The following PRMT7 variants were observed in gnomAD, a reference collection of about 807,000 sequenced individuals.
The protein encoded by PRMT7 is protein arginine methyltransferase 7, also known as protein arginine N-methyltransferase 7.
PRMT7 carries 75 observed loss-of-function variants against 85.4 expected under a neutral mutation model. The observed-to-expected ratio is 0.88, with a 90% confidence interval of 0.73 to 1.06. PRMT7 has a LOEUF of 1.06. Ranked by LOEUF, PRMT7 falls within the 50% of genes least tolerant of loss-of-function variation. The pLI, the probability that PRMT7 is intolerant of heterozygous loss-of-function variation, is 0.00. For synonymous variants in PRMT7, 397 were observed against 359.5 expected (o/e 1.10, Z -1.18); for missense variants, 868 against 915.2 (o/e 0.95, Z 0.67).
At position 68,357,685 on chromosome 16, in the gene PRMT7, C is replaced by G. The variant is rs760599540; in HGVS notation, c.*461C>G. On this transcript the variant is annotated 3_prime_UTR_variant, in exon 19 of 19. Transcript: ENST00000441236. ...GGCTTCTGCTAGGAGGGTGGAGATG[C>G]TGAGTTGTGGCTGGGTCTCTGGGGC... The G allele has an allele frequency of 6.8e-4, 11 of 16,146 alleles. No individual in the cohort carries two copies. Among genetic ancestry groups the G allele is most frequent in the Admixed American group, 1.2e-3 (2 of 1,626 alleles). The allele number at this position is 16,146 out of a possible 1,614,324, so 1.0% of individuals were successfully genotyped here. A position where few individuals can be genotyped will look rare whatever the true frequency, so the allele number is the denominator to read the frequency against.
At chr16:68,328,705 A>C (rs2083437896) in intron 5 of PRMT7, among the ~76,000 whole-genome samples, 1 of 150,372 alleles carries the variant, frequency 6.7e-6, no homozygotes, top group Non-Finnish European at 1.5e-5. Flanking sequence ...CTACTTACTC[A>C]CACCTACAGT....
rs1325298896 is a variant in PRMT7, at chr16:68,329,713, C to T, written c.391+539C>T. Among the ~76,000 whole-genome samples, 4 of 152,108 alleles carry T rather than the reference C, an allele frequency of 2.6e-5. No homozygotes were observed. The South Asian group carries it at 8.3e-4, about 32-fold the overall frequency. ...TGAAACTCTATCTCTACTAAAAATA[C>T]AAAAAATTAGCCAGGCATGGTGGTG... is the stretch of plus-strand genomic sequence containing the variant. On this transcript the variant is annotated intron_variant, in intron 6 of 18. Transcript: ENST00000441236.
rs774892163 is a variant in PRMT7 at position 68,346,172 on chromosome 16, G to C, written c.1083G>C (p.Gln361His). ...CTGAAAAGAATGAGAGAGTCCGCCA[G>C]ATGCGCCCCGTGTGTGACTGCCAGG... The part of the protein sequence containing the change: ...TSPEKNERVR[Q>H]MRPVCDCQAH... Residue 361 changes from glutamine to histidine, a missense_variant, in exon 11 of 19, where the codon CAG (glutamine) becomes CAC (histidine). Coordinates refer to ENST00000441236, the MANE Select transcript of PRMT7 (RefSeq NM_019023.5). 2 of 1,613,974 alleles carry C rather than the reference G, an allele frequency of 1.2e-6. No individual in the cohort carries two copies. The highest frequency in any genetic ancestry group is 2.7e-5 in the African/African-American group (2 of 74,920).
At chr16:68,311,255 G>C (rs1417682401) in intron 1 of PRMT7, 156 bp downstream of exon 1, 1 of 451,868 alleles carries the variant, frequency 2.2e-6, no homozygotes, top group Non-Finnish European at 4.1e-6. Flanking sequence ...GGGCCTGCAG[G>C]AGAGCGGGGT....
At chr16:68,325,432 A>G (rs547239026) in intron 5 of PRMT7, among the ~76,000 whole-genome samples, 12 of 152,256 alleles carry the variant, frequency 7.9e-5, no homozygotes, top group African/African-American at 2.9e-4. Context: ...GAAAGTATTT[A>G]AATACATGCC....
At chr16:68,313,253 C>T (rs921407984) in intron 2 of PRMT7, among the ~76,000 whole-genome samples, 2 of 152,036 alleles carry the variant, frequency 1.3e-5, no homozygotes, top group African/African-American at 4.8e-5. Context: ...AAATGGGTAA[C>T]GTGCCAATGT....
intron 6 of PRMT7, among the ~76,000 whole-genome samples, chr16:68,331,353 T>G (rs1295803583): frequency 6.6e-6 from 1 of 152,234 alleles, no homozygotes; most frequent in African/African-American, 2.4e-5. Context: ...TCTCTACCTG[T>G]TGATGGACAG....
intron 9 of PRMT7, among the ~76,000 whole-genome samples, chr16:68,342,492 G>A (rs143604937): frequency 1.6e-4 from 25 of 152,226 alleles, no homozygotes; most frequent in Middle Eastern, 3.4e-3. Context: ...ACCCAGGAGC[G>A]CCTCAGGCAC....
intron 3 of PRMT7, among the ~76,000 whole-genome samples, chr16:68,319,590 T>TA (rs58594681): frequency 0.26 from 35,333 of 135,782 alleles, 5,486 homozygotes; most frequent in African/African-American, 0.46. Context: ...GATGTGCCAT[T>TA]AAAAAAAAAA....
chr16:68,347,510 A>G, intron 12 of PRMT7, 121 bp from the exon 13 acceptor site: 1 of 1,150,842 alleles, frequency 8.7e-7, no homozygotes. Flanking sequence ...GGAGGGAATG[A>G]GGGCAGGGAG....
At chr16:68,356,338 G>C (rs908709738) in intron 17 of PRMT7, among the ~76,000 whole-genome samples, 40 of 152,364 alleles carry the variant, frequency 2.6e-4, no homozygotes, top group African/African-American at 9.6e-4. Flanking sequence ...GGGGCAGGCA[G>C]CCAGGCAGGG....
intron 6 of PRMT7, 33 bp downstream of exon 6, chr16:68,329,207 G>A (rs760355471): frequency 6.8e-7 from 1 of 1,480,186 alleles, no homozygotes; most frequent in Admixed American, 1.7e-5. Flanking sequence ...TGAAAGCTTT[G>A]CTTGCTCTTG....
Position 68,358,543 on chromosome 16 carries a change from A to G in PRMT7, c.*1319A>G, listed in dbSNP as rs1481369267. The G allele has an allele frequency of 1.3e-5, 2 of 152,684 alleles. No homozygotes were observed. Among genetic ancestry groups the G allele is most frequent in the African/African-American group, 2.4e-5 (1 of 41,476 alleles). 9.5% of individuals were successfully genotyped at this position (152,684 alleles called of 1,614,324 possible). A position where few individuals can be genotyped will look rare whatever the true frequency, so the allele number is the denominator to read the frequency against. On this transcript the variant is annotated 3_prime_UTR_variant, in exon 19 of 19. Transcript: ENST00000441236. ...CCCTAATGTCCCATGAAGATACAAT[A>G]CAGAAAAAAATACAGAAATTAAAAA...
intron 5 of PRMT7, among the ~76,000 whole-genome samples, chr16:68,325,459 C>G (rs1025611451): frequency 5.3e-5 from 8 of 152,068 alleles, no homozygotes; most frequent in Non-Finnish European, 1.0e-4. Context: ...CCACCACACT[C>G]CAGCCTGGGT....
chr16:68,357,217 C>G lies in PRMT7; in HGVS notation c.2072C>G (p.Pro691Arg), dbSNP rs369486726. ...IIMEFRHADTPD is the reference protein window; with the variant it reads ...IIMEFRHADTRD ...ATGGAGTTCAGGCATGCAGATACCC[C>G]AGACTGACCACTCTTGAGCAATAAA... The change falls in exon 19 of 19, where the codon CCA (proline) becomes CGA (arginine). Residue 691 changes from proline to arginine, a missense_variant. Coordinates refer to ENST00000441236, the MANE Select transcript of PRMT7 (RefSeq NM_019023.5). 4 of 1,611,356 alleles carry G rather than the reference C, an allele frequency of 2.5e-6. No homozygotes were observed. In the African/African-American group the frequency reaches 4.0e-5, roughly 16 times the overall value.
At chr16:68,348,692 G>T (rs1404128929) in intron 14 of PRMT7, among the ~76,000 whole-genome samples, 1 of 146,252 alleles carries the variant, frequency 6.8e-6, no homozygotes, top group Non-Finnish European at 1.5e-5. Flanking sequence ...GTCCAGGCTG[G>T]AGTGCAGTGG....
At chr16:68,325,560 C>T (rs1310719969) in intron 5 of PRMT7, among the ~76,000 whole-genome samples, 3 of 151,824 alleles carry the variant, frequency 2.0e-5, no homozygotes, top group East Asian at 1.9e-4. Context: ...TTTGGGAGGC[C>T]GAGGCTTGGA....
At chr16:68,349,700 T>G (rs2086984258) in intron 14 of PRMT7, among the ~76,000 whole-genome samples, 1 of 151,776 alleles carries the variant, frequency 6.6e-6, no homozygotes, top group Non-Finnish European at 1.5e-5. Flanking sequence ...TCAAGACCAA[T>G]CTGAGTAACA....
At chr16:68,326,769 T>A (rs1163841892) in intron 5 of PRMT7, among the ~76,000 whole-genome samples, 1 of 152,178 alleles carries the variant, frequency 6.6e-6, no homozygotes, top group Admixed American at 6.5e-5. Flanking sequence ...AGAATGGATG[T>A]CGGGAGGTCA....
Sources: gnomAD v4.1 joint callset for allele counts (sites outside exome capture counted in the v4.1 genomes callset) on GRCh38, gnomAD v4.1.1 for gene constraint, MANE v1.5 for transcripts, NCBI Gene and HGNC (gene_info 2026-07-23, HGNC 2026-07-21) for gene names.